The following SYNE1 variants were observed in gnomAD, a reference collection of about 807,000 sequenced individuals.
The protein encoded by SYNE1 is nesprin-1.
Under a neutral mutation model 1,111.0 loss-of-function variants are expected in SYNE1, and 616 were observed. That is an observed-to-expected ratio of 0.55 (90% confidence interval 0.52 to 0.59). SYNE1 has a LOEUF of 0.59. SYNE1 is among the 20% of genes least tolerant of loss of function. The probability of loss-of-function intolerance (pLI) is 0.00; values close to 1 mark genes in which losing one functional copy is unlikely to be tolerated. For synonymous variants in SYNE1, 3,855 were observed against 3,825.8 expected (o/e 1.01, Z -0.28); for missense variants, 10,006 against 10,417.0 (o/e 0.96, Z 1.72).
intron 6 of SYNE1, among the ~76,000 whole-genome samples, chr6:152,518,864 AGAGAGAGAG>A (rs936197021): frequency 3.8e-4 from 32 of 84,280 alleles, no homozygotes; most frequent in African/African-American, 9.3e-4. Context: ...AGAGATAGAG[AGAGAGAGAG>A]GAGAGAGAGA....
In SYNE1 at chr6:152,433,706, C is replaced by T; in HGVS notation, c.4461+89G>A. On this transcript the variant is annotated intron_variant, in intron 34 of 145. Transcript: ENST00000367255. Reference sequence around the variant, plus strand: ...AGTCACATTGCAATGAAAGTCTTGTCCTGGGACCGAACAGCATTTGATGAA... The same window carrying T: ...AGTCACATTGCAATGAAAGTCTTGTTCTGGGACCGAACAGCATTTGATGAA... 6.0e-6 allele frequency: 9 copies of T among 1,490,464 alleles called. No homozygotes were observed. In the South Asian group the frequency reaches 1.0e-4, roughly 17 times the overall value. The allele number at this position is 1,490,464 out of a possible 1,614,324, so 92.3% of individuals were successfully genotyped here.
rs148994723 is a variant in SYNE1 at position 152,309,985 on chromosome 6, C to A, written c.17052G>T (p.Pro5684=). The change falls in exon 90 of 146, where the codon CCG becomes CCT. Residue 5684 remains proline (P), a synonymous_variant. Coordinates refer to ENST00000367255, the MANE Select transcript of SYNE1 (RefSeq NM_182961.4). ...HLLSEMESLK[P]KVQAVQLCQS... is the part of the protein sequence containing the mutation. ...GGCAGAGCTGCACTGCTTGCACCTT[C>A]GGCTTCAGTGACTCCATCTCAGACA... 1.2e-6 allele frequency: 2 copies of A among 1,613,960 alleles called. No homozygotes were observed. Among genetic ancestry groups the A allele is most frequent in the African/African-American group, 2.7e-5 (2 of 74,932 alleles).
At position 152,308,529 on chromosome 6, in the gene SYNE1, C is replaced by T. The variant is rs1215541431; in HGVS notation, c.17306G>A (p.Ser5769Asn). 6.2e-7 allele frequency: 1 copy of T among 1,613,972 alleles called. No homozygotes were observed. Among genetic ancestry groups the T allele is most frequent in the East Asian group, 2.2e-5 (1 of 44,874 alleles). The change falls in exon 91 of 146, where the codon AGT (serine) becomes AAT (asparagine). Residue 5769 changes from serine (S) to asparagine (N), a missense_variant. Ser to Asn is a conservative substitution (Grantham distance 46, BLOSUM62 1). Transcript: ENST00000367255. ...REIEDKPVAT[S>N]NIQELQAQIS... is the part of the protein sequence containing the mutation. ...CTGAGCCTGCAGCTCCTGTATGTTA[C>T]TGGTGGCAACAGGTTTATCCTCAAT...
intron 27 of SYNE1, 36 bp downstream of exon 27, chr6:152,450,589 G>A (rs1305603586): frequency 6.5e-7 from 1 of 1,547,702 alleles, no homozygotes; most frequent in South Asian, 1.1e-5. Flanking sequence ...AATTAAGTTT[G>A]ACTACACCCC....
rs571742202 is a variant in SYNE1, at chr6:152,391,572, A to T, written c.7713-4T>A. On this transcript the variant is annotated splice_region_variant and splice_polypyrimidine_tract_variant and intron_variant, in intron 51 of 145. Coordinates refer to ENST00000367255, the MANE Select transcript of SYNE1 (RefSeq NM_182961.4). ...GGAAAGCTTATCAAGAGACTCTCTG[A>T]AAAAAAGGAAAAAAAAAAAAAAGAA... 1.4e-5 allele frequency: 21 copies of T among 1,462,586 alleles called. No homozygotes were observed. In the Admixed American group the frequency reaches 4.1e-4, roughly 28 times the overall value. The allele number at this position is 1,462,586 out of a possible 1,614,324, so 90.6% of individuals were successfully genotyped here.
intron 18 of SYNE1, chr6:152,464,981 G>C (rs1564229391): frequency 2.1e-6 from 1 of 479,818 alleles, no homozygotes; most frequent in African/African-American, 2.0e-5. Flanking sequence ...ATCCATGAAG[G>C]CTGGGGCCCT....
At chr6:152,373,994 A>G (rs1013063892) in intron 58 of SYNE1, among the ~76,000 whole-genome samples, 5 of 152,206 alleles carry the variant, frequency 3.3e-5, no homozygotes, top group Non-Finnish European at 7.3e-5. Context: ...CAGAAGCACA[A>G]TTCTCCCTAG....
At chr6:152,429,233 C>G (rs1416950630) in intron 36 of SYNE1, among the ~76,000 whole-genome samples, 1 of 151,942 alleles carries the variant, frequency 6.6e-6, no homozygotes. Flanking sequence ...CTTCATTTTA[C>G]AGATTAGGAA....
chr6:152,160,735 G>A (rs925664522), intron 131 of SYNE1, among the ~76,000 whole-genome samples: 11 of 152,138 alleles, frequency 7.2e-5, no homozygotes, highest in East Asian at 1.9e-4. Flanking sequence ...ATTTTTCTCC[G>A]CTTTCTGAAG....
intron 96 of SYNE1, among the ~76,000 whole-genome samples, chr6:152,282,312 G>A (rs894997583): frequency 1.3e-5 from 2 of 152,264 alleles, no homozygotes; most frequent in African/African-American, 2.4e-5. Flanking sequence ...GGCATAAAGC[G>A]GTTGGTAAAT....
At position 152,255,702 on chromosome 6, in the gene SYNE1, C is replaced by A. The variant is rs759172933; in HGVS notation, c.19149G>T (p.Leu6383Phe). The A allele has an allele frequency of 1.2e-6, 2 of 1,614,222 alleles. No homozygotes were observed. The highest frequency in any genetic ancestry group is 1.7e-6 in the Non-Finnish European group (2 of 1,180,048). Residue 6383 changes from leucine to phenylalanine, a missense_variant, in exon 103 of 146, where the codon TTG becomes TTT. Transcript: ENST00000367255. Reference sequence around the variant, plus strand: ...TAGAGGTGGCTGAGACTCCATCATACAACTTCTGCTCCAAGTGTATACTCT... The same window carrying A: ...TAGAGGTGGCTGAGACTCCATCATAAAACTTCTGCTCCAAGTGTATACTCT... The part of the protein sequence containing the change: ...KRQSIHLEQK[L>F]YDGVSATSTW...
In SYNE1 at chr6:152,493,812, A is replaced by C. The variant is rs2098984720; in HGVS notation, c.939+4930T>G. Among the ~76,000 whole-genome samples, 3 of 152,152 alleles carry C rather than the reference A, an allele frequency of 2.0e-5. No individual in the cohort carries two copies. The South Asian group carries it at 6.2e-4, about 32-fold the overall frequency. On this transcript the variant is annotated intron_variant, in intron 11 of 145. Coordinates refer to ENST00000367255, the MANE Select transcript of SYNE1 (RefSeq NM_182961.4). Reference sequence around the variant, plus strand: ...GCAACAACTCCTTTCCTTCCTAGGCATAGTTAGGTACTTTCGCCTTTGGAT... The same window carrying C: ...GCAACAACTCCTTTCCTTCCTAGGCCTAGTTAGGTACTTTCGCCTTTGGAT...
rs757955620 is a variant in SYNE1, at chr6:152,409,203, C to A, written c.6405G>T (p.Met2135Ile). The A allele has an allele frequency of 6.2e-7, 1 of 1,613,988 alleles. No homozygotes were observed. The highest frequency in any genetic ancestry group is 8.5e-7 in the Non-Finnish European group (1 of 1,179,970). The change falls in exon 44 of 146, where the codon ATG becomes ATT. Residue 2135 changes from methionine to isoleucine, a missense_variant. Met to Ile is a conservative substitution (Grantham distance 10). Transcript: ENST00000367255. The part of the protein sequence containing the change: ...FSKHETAKNK[M>I]NYKQKDLDNF... ...TATCCAAGTCTTTCTGTTTGTAATT[C>A]ATTTTGTTCTTGGCAGTTTCATGCT...
chr6:152,462,541 G>A, intron 20 of SYNE1, 197 bp downstream of exon 20: 1 of 625,314 alleles, frequency 1.6e-6, no homozygotes, highest in Non-Finnish European at 2.7e-6. Context: ...ACAATTTGAA[G>A]TTACTTTATA....
chr6:152,269,186 T>A lies in SYNE1; in HGVS notation c.18674A>T (p.Gln6225Leu). Reference sequence around the variant, plus strand: ...TTGCTGGAGACTGCTCTGCCGCTGCTGGGTCCATGTGGTGCGAGCTTGGGC... The same window carrying A: ...TTGCTGGAGACTGCTCTGCCGCTGCAGGGTCCATGTGGTGCGAGCTTGGGC... Reference protein sequence around the residue: ...WLAQARTTWTQQRQSSLQQQK... With the variant: ...WLAQARTTWTLQRQSSLQQQK... The change falls in exon 99 of 146, where the codon CAG (glutamine) becomes CTG (leucine). Residue 6225 changes from glutamine to leucine, a missense_variant. By Grantham distance (113) the Gln-to-Leu change is moderately radical. Around this residue, in one of 7 missense-constraint regions of SYNE1, gnomAD observed 2,182 missense variants for 2,287.8 expected, o/e 0.95. Coordinates refer to ENST00000367255, the MANE Select transcript of SYNE1 (RefSeq NM_182961.4). The A allele has an allele frequency of 6.2e-7, 1 of 1,614,230 alleles. No individual in the cohort carries two copies. The highest frequency in any genetic ancestry group is 8.5e-7 in the Non-Finnish European group (1 of 1,180,032).
chr6:152,450,390 T>A (rs964277832), intron 27 of SYNE1, among the ~76,000 whole-genome samples: 10 of 152,172 alleles, frequency 6.6e-5, no homozygotes, highest in African/African-American at 2.4e-4. Context: ...ATAAGGATAT[T>A]GGGGAGAAAG....
intron 124 of SYNE1, among the ~76,000 whole-genome samples, chr6:152,209,996 C>A (rs2077245733): frequency 6.6e-6 from 1 of 152,120 alleles, no homozygotes; most frequent in South Asian, 2.1e-4. Flanking sequence ...TCTTAGGATT[C>A]CCCACCCTCT....
chr6:152,473,696 A>G (rs1044036147), intron 14 of SYNE1, among the ~76,000 whole-genome samples: 2 of 152,132 alleles, frequency 1.3e-5, no homozygotes, highest in African/African-American at 4.8e-5. Context: ...TATTCTAGCC[A>G]TTCTCTACCT....
intron 130 of SYNE1, among the ~76,000 whole-genome samples, chr6:152,165,915 C>G (rs554539359): frequency 3.3e-5 from 5 of 152,172 alleles, no homozygotes; most frequent in Non-Finnish European, 5.9e-5. Flanking sequence ...ATGGCTCTGG[C>G]CATAGTGCCC....
Sources: gnomAD v4.1 joint callset for allele counts (sites outside exome capture counted in the v4.1 genomes callset) on GRCh38, gnomAD v4.1.1 for gene constraint, gnomAD v4.1.1 regional missense constraint, MANE v1.5 for transcripts, NCBI Gene and HGNC (gene_info 2026-07-23, HGNC 2026-07-21) for gene names.